Variants in EXOC6 observed in about 807,000 individuals in gnomAD.
EXOC6 encodes the protein SEC15-like 1.
In EXOC6, 60 loss-of-function variants were observed where a neutral mutation model predicts 112.5. The observed-to-expected ratio is 0.53, with a 90% CI of 0.43 to 0.66. The LOEUF (loss-of-function observed/expected upper bound fraction) is 0.66, where lower values mean the gene tolerates loss of function less well. EXOC6 is among the 30% of genes least tolerant of loss of function. EXOC6 has a pLI of 0.00. For missense variants in EXOC6, 855 were observed against 957.1 expected (o/e 0.89, Z 1.41); for synonymous variants, 295 against 308.0 (o/e 0.96, Z 0.44).
intron 18 of EXOC6, among the ~76,000 whole-genome samples, chr10:92,976,442 T>C (rs1842612037): frequency 6.6e-6 from 1 of 151,998 alleles, no homozygotes; most frequent in African/African-American, 2.4e-5. Flanking sequence ...AGATGTGCTT[T>C]GTTAAACAGA....
chr10:92,850,849 T>A (rs1219237678), intron 1 of EXOC6, among the ~76,000 whole-genome samples: 5 of 152,182 alleles, frequency 3.3e-5, no homozygotes, highest in Non-Finnish European at 1.5e-5. Context: ...GCGGCGGGAT[T>A]TTTCAGCCTG....
chr10:92,992,257 C>T (rs1843294246), intron 18 of EXOC6, among the ~76,000 whole-genome samples: 1 of 124,936 alleles, frequency 8.0e-6, no homozygotes, highest in African/African-American at 3.1e-5. Context: ...CATTGCTCTC[C>T]AGCCTGGGTG....
chr10:92,883,407 G>A (rs1462733675), intron 1 of EXOC6, among the ~76,000 whole-genome samples: 1 of 152,048 alleles, frequency 6.6e-6, no homozygotes, highest in South Asian at 2.1e-4. Context: ...ATGGTTAATT[G>A]TCTTATATAT....
intron 1 of EXOC6, among the ~76,000 whole-genome samples, chr10:92,874,177 T>G (rs1347666918): frequency 6.6e-6 from 1 of 152,180 alleles, no homozygotes; most frequent in African/African-American, 2.4e-5. Context: ...AGCATTGGTT[T>G]GAATACCAAG....
At chr10:92,855,968 G>C (rs555568415) in intron 1 of EXOC6, among the ~76,000 whole-genome samples, 3 of 152,040 alleles carry the variant, frequency 2.0e-5, no homozygotes, top group Non-Finnish European at 4.4e-5. Flanking sequence ...GGGTTCAAGC[G>C]ATTCTCCTGT....
intron 18 of EXOC6, among the ~76,000 whole-genome samples, chr10:92,981,593 C>T (rs1345079999): frequency 1.3e-5 from 2 of 152,112 alleles, no homozygotes; most frequent in East Asian, 1.9e-4. Context: ...GTTCATTTTT[C>T]TTCCTTTCTA....
At position 92,842,772 on chromosome 10, in the gene EXOC6, G is replaced by A. The variant is rs544065962; in HGVS notation, c.86+7948G>A. Among the ~76,000 whole-genome samples the A allele has an allele frequency of 2.6e-5, 4 of 152,180 alleles. No individual in the cohort carries two copies. The South Asian group carries it at 6.2e-4, about 24-fold the overall frequency. ...AATGGAACTCAGAGAAAATGATATT[G>A]TTCTTTAACTGCTCAGTGGACTTTA... On this transcript the variant is annotated intron_variant, in intron 1 of 21. Transcript: ENST00000371552.
intron 17 of EXOC6, 50 bp from the exon 18 acceptor site, chr10:92,974,003 T>C (rs1432677095): frequency 7.3e-7 from 1 of 1,361,404 alleles, no homozygotes; most frequent in South Asian, 1.4e-5. Context: ...GTAAGAACAC[T>C]TGTTTTATTA....
At chr10:92,831,472 C>T (rs1014010187), upstream of EXOC6, 14 of 519,572 alleles carry the variant, frequency 2.7e-5, no homozygotes, top group Non-Finnish European at 3.0e-5. Context: ...CTCACTCTGT[C>T]ACTCAGGCTG....
At chr10:92,920,122 A>G (rs1048735462) in intron 8 of EXOC6, 72 bp downstream of exon 8, 1 of 911,726 alleles carries the variant, frequency 1.1e-6, no homozygotes, top group Non-Finnish European at 1.6e-6. Flanking sequence ...TTTAGGCCCT[A>G]AAAATTGATC....
upstream of EXOC6, among the ~76,000 whole-genome samples, chr10:92,833,511 C>T (rs1281560810): frequency 6.6e-6 from 1 of 152,084 alleles, no homozygotes; most frequent in African/African-American, 2.4e-5. Flanking sequence ...AGTCATGGGA[C>T]GACAAATACT....
At chr10:92,987,371 CAA>C (rs1174626694) in intron 18 of EXOC6, among the ~76,000 whole-genome samples, 6 of 152,174 alleles carry the variant, frequency 3.9e-5, no homozygotes, top group African/African-American at 1.4e-4. Context: ...ATGAGAGAGA[CAA>C]AAGTTTGGAG....
chr10:92,896,173 ATATATATATTTTTTTTTTT>A (rs1849795812), intron 4 of EXOC6, among the ~76,000 whole-genome samples: 14 of 23,806 alleles, frequency 5.9e-4, no homozygotes, highest in Admixed American at 5.4e-3. Flanking sequence ...ATATATATAT[ATATATATATTTTTTTTTTT>A]TTTTTTTTTT....
At chr10:92,890,025 A>G (rs914015474) in intron 1 of EXOC6, among the ~76,000 whole-genome samples, 1 of 152,152 alleles carries the variant, frequency 6.6e-6, no homozygotes, top group Admixed American at 6.5e-5. Context: ...TGGGATTTTG[A>G]TTGGGATTGC....
intron 1 of EXOC6, among the ~76,000 whole-genome samples, chr10:92,873,026 A>G (rs1848522709): frequency 6.6e-6 from 1 of 152,178 alleles, no homozygotes. Context: ...ATTTGCATTC[A>G]TTAATCTACT....
chr10:92,962,162 T>A (rs1270464789), intron 17 of EXOC6, among the ~76,000 whole-genome samples: 1 of 152,122 alleles, frequency 6.6e-6, no homozygotes, highest in Non-Finnish European at 1.5e-5. Context: ...AGATTTAGGT[T>A]ATTCTAGGAC....
intron 20 of EXOC6, among the ~76,000 whole-genome samples, chr10:93,028,312 G>T (rs1413117736): frequency 1.3e-5 from 2 of 151,610 alleles, no homozygotes; most frequent in African/African-American, 4.9e-5. Context: ...AAAGAAAAAA[G>T]TTTCCATTCC....
At chr10:92,926,304 C>G (rs1851716744) in intron 8 of EXOC6, among the ~76,000 whole-genome samples, 1 of 151,514 alleles carries the variant, frequency 6.6e-6, no homozygotes, top group Non-Finnish European at 1.5e-5. Flanking sequence ...CTTATAATCT[C>G]AAAGATAAGA....
intron 8 of EXOC6, among the ~76,000 whole-genome samples, chr10:92,921,058 A>G (rs534621993): frequency 4.5e-4 from 69 of 152,198 alleles, no homozygotes; most frequent in African/African-American, 1.2e-3. Flanking sequence ...CTGCCTTTCA[A>G]TTGGAGTGTT....
Sources: allele counts gnomAD v4.1 joint callset (sites outside exome capture counted in the v4.1 genomes callset), GRCh38; gene constraint gnomAD v4.1.1; transcripts MANE v1.5; gene names NCBI Gene and HGNC (gene_info 2026-07-23, HGNC 2026-07-21).